AHSA1: variants seen among roughly 807,000 people sequenced by gnomAD.
AHSA1 encodes activator of HSP90 ATPase activity 1.
AHSA1 carries 14 observed loss-of-function variants against 46.1 expected under a neutral mutation model. The ratio of observed to expected loss-of-function variants is 0.30; its 90% confidence interval spans 0.20 to 0.47. The LOEUF is 0.47. Among genes scored for constraint, AHSA1 ranks in the 20% least tolerant of loss-of-function variants. The pLI is 0.99. For missense variants in AHSA1, 333 were observed against 415.9 expected, an observed-to-expected ratio of 0.80 and a Z score of 1.73; for synonymous variants, 147 against 145.8, an observed-to-expected ratio of 1.01 and a Z score of -0.06.
chr14:77,467,708 TAA>T, intron 6 of AHSA1, among the ~76,000 whole-genome samples: 1 of 55,352 alleles, frequency 1.8e-5, no homozygotes, highest in Non-Finnish European at 6.5e-5. Context: ...AATAAAAAAA[TAA>T]AATAAAATAA....
intron 2 of AHSA1, among the ~76,000 whole-genome samples, chr14:77,460,585 T>C (rs76893242): frequency 7.3e-6 from 1 of 136,170 alleles, no homozygotes; most frequent in Admixed American, 7.5e-5. Flanking sequence ...TTTTTTTTTT[T>C]AGACAGAGTT....
intron 6 of AHSA1, among the ~76,000 whole-genome samples, chr14:77,466,624 A>G (rs76823144): frequency 6.6e-6 from 1 of 152,234 alleles, no homozygotes; most frequent in Admixed American, 6.5e-5. Context: ...TACTCTCGTG[A>G]TAAGTTCTCT....
intron 5 of AHSA1, 43 bp downstream of exon 5, chr14:77,464,729 T>C: frequency 6.5e-7 from 1 of 1,544,438 alleles, no homozygotes; most frequent in Non-Finnish European, 8.9e-7. Context: ...GCAAAGGAAC[T>C]TGAGAGACCG....
intron 2 of AHSA1, 111 bp downstream of exon 2, chr14:77,459,917 G>A: frequency 7.9e-7 from 1 of 1,257,988 alleles, no homozygotes; most frequent in Non-Finnish European, 1.2e-6. Context: ...GAAGGCAGAT[G>A]TTGCTGCTTT....
At chr14:77,468,051 C>CTTTTTTTTTT in intron 6 of AHSA1, 32 bp from the exon 7 acceptor site, 1 of 683,208 alleles carries the variant, frequency 1.5e-6, no homozygotes, top group Non-Finnish European at 2.1e-6. Flanking sequence ...TCTTCTGCCT[C>CTTTTTTTTTT]TTTTTTTTTT....
At chr14:77,461,561 G>A (rs1028351705) in intron 2 of AHSA1, among the ~76,000 whole-genome samples, 2 of 152,162 alleles carry the variant, frequency 1.3e-5, no homozygotes, top group African/African-American at 2.4e-5. Context: ...CAGAAGGGTT[G>A]CAGCTTGAGG....
At chr14:77,460,156 G>A in intron 2 of AHSA1, 1 of 324,364 alleles carries the variant, frequency 3.1e-6, no homozygotes, top group Admixed American at 4.6e-5. Context: ...TTTTGGTCTT[G>A]ATCTTTGTGC....
chr14:77,461,294 A>T (rs1404386631), intron 2 of AHSA1, among the ~76,000 whole-genome samples: 1 of 151,722 alleles, frequency 6.6e-6, no homozygotes, highest in African/African-American at 2.4e-5. Flanking sequence ...ACTTTGGGAG[A>T]CTGAGGCAGG....
At chr14:77,467,635 C>T (rs1453323329) in intron 6 of AHSA1, among the ~76,000 whole-genome samples, 1 of 149,822 alleles carries the variant, frequency 6.7e-6, no homozygotes, top group East Asian at 2.0e-4. Flanking sequence ...GCGGAGGTTG[C>T]GTGAGCCGAG....
chr14:77,468,408 T>A, intron 7 of AHSA1, 49 bp from the exon 8 acceptor site: 1 of 1,532,204 alleles, frequency 6.5e-7, no homozygotes, highest in Non-Finnish European at 9.0e-7. Context: ...TAGCTAGGAT[T>A]GGGTACATTG....
chr14:77,468,235 T>A, intron 7 of AHSA1, 51 bp downstream of exon 7: 1 of 1,293,186 alleles, frequency 7.7e-7, no homozygotes, highest in Non-Finnish European at 1.1e-6. Flanking sequence ...GTCAGATGAG[T>A]GACATTTCTC....
chr14:77,459,692 G>C lies in AHSA1; in HGVS notation c.157G>C (p.Glu53Gln), dbSNP rs1381625643. Residue 53 changes from glutamate (E) to glutamine (Q), a missense_variant, in exon 2 of 9, where the codon GAA (glutamate) becomes CAA (glutamine). By Grantham distance (29) the Glu-to-Gln change is conservative (BLOSUM62 2). Coordinates refer to ENST00000216479, the MANE Select transcript of AHSA1 (RefSeq NM_012111.3). ...CCTGGCAGTGCAGGTTCAAAATGAA[G>C]AAGGCAAGTGTGAGGTGACGGAAGT... ...LFLAVQVQNEEGKCEVTEVSK... is the reference protein window; with the variant it reads ...LFLAVQVQNEQGKCEVTEVSK... 1 of 1,614,234 alleles carries C rather than the reference G, an allele frequency of 6.2e-7. No individual in the cohort carries two copies. The highest frequency in any genetic ancestry group is 2.2e-5 in the East Asian group (1 of 44,886).
chr14:77,463,008 G>T, intron 4 of AHSA1: 1 of 377,748 alleles, frequency 2.6e-6, no homozygotes, highest in East Asian at 5.4e-5. Flanking sequence ...GGCCTGGCGC[G>T]GTGGCTCACA....
chr14:77,462,571 C>T, intron 3 of AHSA1, 71 bp from the exon 4 acceptor site: 1 of 1,398,130 alleles, frequency 7.2e-7, no homozygotes, highest in South Asian at 1.2e-5. Context: ...CACCTGATTG[C>T]TCAGCCCCCA....
chr14:77,463,719 C>T (rs2079036228), intron 4 of AHSA1, among the ~76,000 whole-genome samples: 1 of 152,182 alleles, frequency 6.6e-6, no homozygotes, highest in African/African-American at 2.4e-5. Flanking sequence ...GATATGCACT[C>T]TCCAGGGATA....
chr14:77,468,471 T>C lies in AHSA1; in HGVS notation c.807T>C (p.His269=), dbSNP rs750061251. 1.9e-5 allele frequency: 30 copies of C among 1,613,474 alleles called. No individual in the cohort carries two copies. Among genetic ancestry groups the C allele is most frequent in the Non-Finnish European group, 2.5e-5 (30 of 1,179,588 alleles). ...GATTATTTTAGGTCCCTGAGAAACA[T>C]ATTGTGATGAAGTGGAGGTTTAAAT... ...GEFTDLVPEK[H]IVMKWRFKSW... The change falls in exon 8 of 9, where the codon CAT becomes CAC. Residue 269 remains histidine (H), a synonymous_variant. Coordinates refer to ENST00000216479, the MANE Select transcript of AHSA1 (RefSeq NM_012111.3).
chr14:77,462,636 A>G lies in AHSA1; in HGVS notation c.355-6A>G, dbSNP rs766295323. The G allele has an allele frequency of 2.0e-5, 32 of 1,613,606 alleles. No individual in the cohort carries two copies. The highest frequency in any genetic ancestry group is 2.5e-5 in the Non-Finnish European group (30 of 1,179,692). The stretch of plus-strand genomic sequence containing the variant: ...ATTTACCACCTACTTCTCATCTTTC[A>G]CCCAGATTAGTGTGAGCCTTGCCAA... On this transcript the variant is annotated splice_polypyrimidine_tract_variant and splice_region_variant and intron_variant, in intron 3 of 8. Coordinates refer to ENST00000216479, the MANE Select transcript of AHSA1 (RefSeq NM_012111.3).
At chr14:77,468,278 T>G (rs1306478781) in intron 7 of AHSA1, 94 bp downstream of exon 7, 1 of 1,109,360 alleles carries the variant, frequency 9.0e-7, no homozygotes, top group African/African-American at 1.6e-5. Flanking sequence ...AATGTAAGGC[T>G]TTAATCTCTT....
chr14:77,458,366 G>A (rs2078997716), intron 1 of AHSA1, 97 bp downstream of exon 1: 1 of 1,309,072 alleles, frequency 7.6e-7, no homozygotes, highest in African/African-American at 1.5e-5. Flanking sequence ...CTGGGGCTGA[G>A]GTAGCCCTGT....
Sources: allele counts gnomAD v4.1 joint callset (sites outside exome capture counted in the v4.1 genomes callset), GRCh38; gene constraint gnomAD v4.1.1; transcripts MANE v1.5; gene names NCBI Gene and HGNC (gene_info 2026-07-23, HGNC 2026-07-21).